ANKRD7: variants seen among roughly 807,000 people sequenced by gnomAD.
The protein encoded by ANKRD7 is ankyrin repeat domain-containing protein 7.
In ANKRD7, 30 loss-of-function variants were observed where a neutral mutation model predicts 30.8. That is an observed-to-expected ratio of 0.97 (90% CI 0.73 to 1.32). The LOEUF is 1.32. ANKRD7 is among the 40% of genes most tolerant of loss of function. The pLI, the probability that ANKRD7 is intolerant of heterozygous loss-of-function variation, is 0.00. For synonymous variants in ANKRD7, 97 were observed against 106.6 expected (o/e 0.91, Z 0.55); for missense variants, 264 against 295.7 (o/e 0.89, Z 0.79).
chr7:118,228,949 G>A lies in ANKRD7; in HGVS notation c.179+3940G>A, dbSNP rs149572901. Among the ~76,000 whole-genome samples the A allele has an allele frequency of 2.5e-3, 387 of 152,182 alleles. 2 individuals carry two copies. The highest frequency in any genetic ancestry group is 8.9e-3 in the African/African-American group (369 of 41,516). The stretch of plus-strand genomic sequence containing the variant: ...TCAAATGGTATTATTCCTTGTTTTC[G>A]TAACTTCCAATCACTTTCCATCTTA... On this transcript the variant is annotated intron_variant, in intron 1 of 6. Coordinates refer to ENST00000265224, the MANE Select transcript of ANKRD7 (RefSeq NM_019644.4).
Position 118,236,033 on chromosome 7 carries a change from T to G in ANKRD7, c.469-8T>G, listed in dbSNP as rs1415508691. ...AATATTTTAATCATTTTTAAATATT[T>G]TTTTCAGGATGGGTATACTCCACTA... On this transcript the variant is annotated splice_polypyrimidine_tract_variant and splice_region_variant and intron_variant, in intron 3 of 6. Transcript: ENST00000265224. The G allele has an allele frequency of 7.0e-7, 1 of 1,429,380 alleles. No individual in the cohort carries two copies. The highest frequency in any genetic ancestry group is 2.3e-5 in the East Asian group (1 of 43,752). 88.5% of individuals were successfully genotyped at this position (1,429,380 alleles called of 1,614,324 possible). A position where few individuals can be genotyped will look rare whatever the true frequency, so the allele number is the denominator to read the frequency against.
At chr7:118,228,075 G>T in intron 1 of ANKRD7, 6 of 1,282,924 alleles carry the variant, frequency 4.7e-6, no homozygotes, top group Non-Finnish European at 6.1e-6. Context: ...TATTTTATTT[G>T]CCATATCAGT....
At position 118,230,650 on chromosome 7, in the gene ANKRD7, G is replaced by A. The variant is rs560182760; in HGVS notation, c.180-3781G>A. 5.9e-5 allele frequency among the ~76,000 whole-genome samples: 9 copies of A among 151,720 alleles called. No individual in the cohort carries two copies. In the East Asian group the frequency reaches 7.7e-4, roughly 13 times the overall value. On this transcript the variant is annotated intron_variant, in intron 1 of 6. Coordinates refer to ENST00000265224, the MANE Select transcript of ANKRD7 (RefSeq NM_019644.4). Reference sequence around the variant, plus strand: ...TGTTTGAACGTGTGTGTGTGTGTGTGTAGAGAGAGAGAGAGAGAGATACTG... The same window carrying A: ...TGTTTGAACGTGTGTGTGTGTGTGTATAGAGAGAGAGAGAGAGAGATACTG...
chr7:118,235,357 A>G (rs1475175050), intron 3 of ANKRD7, among the ~76,000 whole-genome samples: 1 of 152,160 alleles, frequency 6.6e-6, no homozygotes, highest in Non-Finnish European at 1.5e-5. Flanking sequence ...TCACGCCTGT[A>G]ATCCCAGCAC....
chr7:118,225,644 A>G (rs1809528248), intron 1 of ANKRD7, among the ~76,000 whole-genome samples: 1 of 152,078 alleles, frequency 6.6e-6, no homozygotes. Flanking sequence ...AAGATGTACA[A>G]TTTTGCTAAT....
rs1291957419 is a variant in ANKRD7 at position 118,242,585 on chromosome 7, G to C, written c.*274G>C. 6.6e-6 allele frequency: 1 copy of C among 151,560 alleles called. No homozygotes were observed. The highest frequency in any genetic ancestry group is 1.5e-5 in the Non-Finnish European group (1 of 67,908). The allele number at this position is 151,560 out of a possible 1,614,324, so 9.4% of individuals were successfully genotyped here. ...AAGATAAATTTGTGTTCAATATATA[G>C]GCAGAAAAAAATTTGTGTCAAAATG... On this transcript the variant is annotated 3_prime_UTR_variant, in exon 7 of 7. Transcript: ENST00000265224.
At chr7:118,232,126 C>T (rs954673300) in intron 1 of ANKRD7, among the ~76,000 whole-genome samples, 1 of 151,894 alleles carries the variant, frequency 6.6e-6, no homozygotes, top group Non-Finnish European at 1.5e-5. Context: ...CTATTGGCCT[C>T]GAAGCATTTA....
At chr7:118,240,473 C>G (rs1809812379) in intron 6 of ANKRD7, among the ~76,000 whole-genome samples, 1 of 152,226 alleles carries the variant, frequency 6.6e-6, no homozygotes, top group Admixed American at 6.5e-5. Context: ...TCATCCATCT[C>G]CCTACAAAGG....
chr7:118,232,964 T>C (rs1369436291), intron 1 of ANKRD7, among the ~76,000 whole-genome samples: 1 of 152,152 alleles, frequency 6.6e-6, no homozygotes, highest in Non-Finnish European at 1.5e-5. Flanking sequence ...CCCTGTGTTA[T>C]GTTTGGATTG....
At position 118,235,334 on chromosome 7, in the gene ANKRD7, C is replaced by T. The variant is rs138468037; in HGVS notation, c.468+460C>T. Reference sequence around the variant, plus strand: ...AATTTTTTTAAAAAGTGTATTGAGCCGGGCATGGTGGCTCACGCCTGTAAT... The same window carrying T: ...AATTTTTTTAAAAAGTGTATTGAGCTGGGCATGGTGGCTCACGCCTGTAAT... On this transcript the variant is annotated intron_variant, in intron 3 of 6. Transcript: ENST00000265224. 6.0e-3 allele frequency among the ~76,000 whole-genome samples: 908 copies of T among 152,082 alleles called. 9 individuals carry two copies. The highest frequency in any genetic ancestry group is 0.021 in the African/African-American group (883 of 41,478).
intron 1 of ANKRD7, among the ~76,000 whole-genome samples, chr7:118,229,790 T>TAGCAAACCA (rs1306083637): frequency 4.6e-5 from 7 of 152,010 alleles, no homozygotes; most frequent in African/African-American, 1.7e-4. Context: ...AACAAAATAC[T>TAGCAAACCA]AGCAAACCAA....
chr7:118,226,991 G>A (rs1044698969), intron 1 of ANKRD7, among the ~76,000 whole-genome samples: 12 of 152,104 alleles, frequency 7.9e-5, no homozygotes, highest in African/African-American at 2.9e-4. Context: ...TTTATAGATA[G>A]GGAAAGTTTT....
chr7:118,241,754 G>T (rs1457481037), intron 6 of ANKRD7, among the ~76,000 whole-genome samples: 1 of 151,792 alleles, frequency 6.6e-6, no homozygotes, highest in Non-Finnish European at 1.5e-5. Flanking sequence ...TGCCAGGCTG[G>T]TCTCGAACTC....
intron 5 of ANKRD7, among the ~76,000 whole-genome samples, chr7:118,237,294 G>A (rs1809747027): frequency 1.3e-5 from 2 of 152,106 alleles, no homozygotes; most frequent in Admixed American, 1.3e-4. Context: ...TTCATGTTTT[G>A]AATATTATTG....
chr7:118,240,912 TG>T (rs1809823354), intron 6 of ANKRD7, among the ~76,000 whole-genome samples: 1 of 151,058 alleles, frequency 6.6e-6, no homozygotes, highest in Non-Finnish European at 1.5e-5. Flanking sequence ...CCCAGCACTT[TG>T]GGAAGCCGAG....
intron 1 of ANKRD7, chr7:118,227,915 T>C: frequency 7.4e-7 from 1 of 1,351,322 alleles, no homozygotes; most frequent in Non-Finnish European, 9.8e-7. Context: ...TCTTTTTTTT[T>C]TTTTTAACAA....
At chr7:118,239,337 A>G (rs1446006475) in intron 5 of ANKRD7, among the ~76,000 whole-genome samples, 1 of 152,180 alleles carries the variant, frequency 6.6e-6, no homozygotes, top group East Asian at 1.9e-4. Flanking sequence ...GTGCTTGATG[A>G]TATCAGGTGG....
intron 1 of ANKRD7, among the ~76,000 whole-genome samples, chr7:118,225,685 C>T (rs1206284426): frequency 6.6e-6 from 1 of 152,004 alleles, no homozygotes; most frequent in African/African-American, 2.4e-5. Context: ...GAGACGACCC[C>T]CTGGAACATT....
At chr7:118,237,229 T>C (rs7777776) in intron 5 of ANKRD7, among the ~76,000 whole-genome samples, 2,580 of 152,298 alleles carry the variant, frequency 0.017, 71 homozygotes, top group African/African-American at 0.059. Flanking sequence ...CAAAAGATGA[T>C]TCATTCACAC....
Sources: gnomAD v4.1 joint callset for allele counts (sites outside exome capture counted in the v4.1 genomes callset) on GRCh38, gnomAD v4.1.1 for gene constraint, MANE v1.5 for transcripts, NCBI Gene and HGNC (gene_info 2026-07-23, HGNC 2026-07-21) for gene names.